Variants in PYROXD1 observed in about 807,000 individuals in gnomAD.
PYROXD1 encodes the protein pyridine nucleotide-disulphide oxidoreductase domain 1.
In PYROXD1, 42 loss-of-function variants were observed where a neutral mutation model predicts 62.0. The observed-to-expected ratio is 0.68, with a 90% CI of 0.53 to 0.88. The LOEUF (loss-of-function observed/expected upper bound fraction) is 0.88. Ranked by LOEUF, PYROXD1 falls within the 40% of genes least tolerant of loss-of-function variation. PYROXD1 has a pLI of 0.00. For missense variants in PYROXD1, 493 were observed against 604.8 expected, an observed-to-expected ratio of 0.82 and a Z score of 1.94; for synonymous variants, 170 against 206.4, an observed-to-expected ratio of 0.82 and a Z score of 1.51.
In PYROXD1 at chr12:21,437,699, G is replaced by T. The variant is rs1404578098; in HGVS notation, c.-32G>T. On this transcript the variant is annotated 5_prime_UTR_variant, in exon 1 of 12. Transcript: ENST00000240651. ...GTCCAGAGTCCCGTTGCTCCGCCGC[G>T]ATATTCAGTAAACCACTGGGAGTCC... 3.1e-6 allele frequency: 5 copies of T among 1,597,342 alleles called. No homozygotes were observed. Among genetic ancestry groups the T allele is most frequent in the Non-Finnish European group, 3.4e-6 (4 of 1,172,414 alleles).
At chr12:21,466,413 T>C (rs1398514144) in intron 10 of PYROXD1, among the ~76,000 whole-genome samples, 2 of 151,948 alleles carry the variant, frequency 1.3e-5, no homozygotes, top group Non-Finnish European at 2.9e-5. Flanking sequence ...CTAGGTATTT[T>C]ATTCTCTTTG....
intron 1 of PYROXD1, 195 bp downstream of exon 1, chr12:21,438,009 G>T (rs549770185): frequency 5.0e-6 from 3 of 599,940 alleles, no homozygotes; most frequent in Admixed American, 3.2e-5. Context: ...TCTCTTAGGC[G>T]CAGGGAGGAG....
chr12:21,442,925 C>T (rs1942322918), intron 2 of PYROXD1, among the ~76,000 whole-genome samples: 1 of 152,110 alleles, frequency 6.6e-6, no homozygotes, highest in Non-Finnish European at 1.5e-5. Context: ...GGTTATTCTC[C>T]ATTTTCATGC....
intron 2 of PYROXD1, among the ~76,000 whole-genome samples, chr12:21,444,470 GT>G (rs1942350272): frequency 6.6e-6 from 1 of 152,138 alleles, no homozygotes; most frequent in Non-Finnish European, 1.5e-5. Flanking sequence ...ATTATGTATT[GT>G]TTGTTTAGTG....
chr12:21,461,878 G>A (rs1942703073), intron 8 of PYROXD1, 130 bp from the exon 9 acceptor site: 1 of 502,132 alleles, frequency 2.0e-6, no homozygotes, highest in African/African-American at 1.9e-5. Context: ...TTGCTAAGGA[G>A]TGTGTTACAA....
intron 7 of PYROXD1, 99 bp from the exon 8 acceptor site, chr12:21,460,926 T>G: frequency 1.3e-6 from 1 of 742,670 alleles, no homozygotes; most frequent in Non-Finnish European, 2.0e-6. Context: ...AATTATGTTT[T>G]CTATACATTT....
chr12:21,450,438 T>C (rs1942474453), intron 4 of PYROXD1, among the ~76,000 whole-genome samples: 1 of 152,186 alleles, frequency 6.6e-6, no homozygotes, highest in South Asian at 2.1e-4. Flanking sequence ...AAAATCATGA[T>C]AGAATCATAG....
intron 8 of PYROXD1, 57 bp downstream of exon 8, chr12:21,461,211 T>A (rs202122120): frequency 1.0e-5 from 3 of 286,694 alleles, no homozygotes; most frequent in African/African-American, 6.6e-5. Context: ...GGAAAACAAT[T>A]TAATCCTGCT....
chr12:21,444,544 A>G (rs1565544485), intron 2 of PYROXD1, among the ~76,000 whole-genome samples: 1 of 152,238 alleles, frequency 6.6e-6, no homozygotes, highest in Non-Finnish European at 1.5e-5. Context: ...TACTGCTAAT[A>G]ATTCACATTT....
At chr12:21,464,083 CTA>C (rs1255900395) in intron 10 of PYROXD1, among the ~76,000 whole-genome samples, 2 of 150,864 alleles carry the variant, frequency 1.3e-5, no homozygotes, top group Admixed American at 6.6e-5. Flanking sequence ...CTGCCTCATT[CTA>C]TGTCATTTCT....
At chr12:21,457,015 G>A (rs1942609819) in intron 7 of PYROXD1, 1 of 332,608 alleles carries the variant, frequency 3.0e-6, no homozygotes, top group African/African-American at 2.2e-5. Flanking sequence ...TCTAATTACA[G>A]TTCTTTTGTT....
At chr12:21,458,244 C>T (rs1942634693) in intron 7 of PYROXD1, among the ~76,000 whole-genome samples, 2 of 152,152 alleles carry the variant, frequency 1.3e-5, no homozygotes, top group Admixed American at 6.5e-5. Context: ...CATGAACCAA[C>T]CTCTACTAGC....
intron 7 of PYROXD1, among the ~76,000 whole-genome samples, chr12:21,457,844 C>CCTCCCACCAGGCCGTACCTCCAAT (rs1942627785): frequency 2.1e-5 from 1 of 47,032 alleles, no homozygotes; most frequent in Non-Finnish European, 4.8e-5. Flanking sequence ...GTACCTCCAA[C>CCTCCCACCAGGCCGTACCTCCAAT]ATTGGGGATT....
intron 10 of PYROXD1, among the ~76,000 whole-genome samples, chr12:21,463,649 A>G (rs1271364934): frequency 6.7e-6 from 1 of 149,088 alleles, no homozygotes; most frequent in Non-Finnish European, 1.5e-5. Context: ...CTGAGATCGC[A>G]CCACTGCACC....
At chr12:21,440,187 ATT>A (rs1942267200) in intron 1 of PYROXD1, among the ~76,000 whole-genome samples, 179 bp from the exon 2 acceptor site, 7 of 152,306 alleles carry the variant, frequency 4.6e-5, no homozygotes, top group African/African-American at 1.7e-4. Context: ...AGAGTTTAAT[ATT>A]ATTCACCATT....
chr12:21,456,562 CAA>C (rs1942601017), intron 7 of PYROXD1, among the ~76,000 whole-genome samples: 1 of 152,176 alleles, frequency 6.6e-6, no homozygotes, highest in African/African-American at 2.4e-5. Flanking sequence ...AATATGCTAA[CAA>C]TCATCTGAGC....
At chr12:21,442,087 C>T (rs1942305972) in intron 2 of PYROXD1, among the ~76,000 whole-genome samples, 1 of 152,184 alleles carries the variant, frequency 6.6e-6, no homozygotes, top group African/African-American at 2.4e-5. Context: ...CTGCTAATAG[C>T]CTCCCAATCT....
At position 21,470,296 on chromosome 12, in the gene PYROXD1, CT is replaced by C. The variant is rs1942907481; in HGVS notation, c.*1543del. On this transcript the variant is annotated 3_prime_UTR_variant, in exon 12 of 12. Coordinates refer to ENST00000240651, the MANE Select transcript of PYROXD1 (RefSeq NM_024854.5). ...TCTGGAAGTTGCCTGAATTTTTTTC[CT>C]CCATCTTTTTATCACCTTGTTCAGA... 6.2e-7 allele frequency: 1 copy of C among 1,604,182 alleles called. No individual in the cohort carries two copies. Among genetic ancestry groups the C allele is most frequent in the Non-Finnish European group, 8.5e-7 (1 of 1,176,294 alleles).
Position 21,462,846 on chromosome 12 carries a change from G to C in PYROXD1, c.1100G>C (p.Ser367Thr). The C allele has an allele frequency of 6.2e-7, 1 of 1,613,652 alleles. No individual in the cohort carries two copies. The highest frequency in any genetic ancestry group is 8.5e-7 in the Non-Finnish European group (1 of 1,179,934). Residue 367 changes from serine (S) to threonine (T), a missense_variant, in exon 10 of 12, where the codon AGC becomes ACC. Ser to Thr is a moderately conservative substitution (Grantham distance 58). This residue lies in a region of PYROXD1 where 329 missense variants were observed against 446.6 expected (regional missense o/e 0.74). Transcript: ENST00000240651. ...ATCTGTACTACATCCTGGCAGCTGA[G>C]CCCAGTCTGGCAGCAGGTAAGCTAG... is the stretch of plus-strand genomic sequence containing the variant. ...GDICTTSWQL[S>T]PVWQQMRLWT...
Sources: gnomAD v4.1 joint callset for allele counts (sites outside exome capture counted in the v4.1 genomes callset) on GRCh38, gnomAD v4.1.1 for gene constraint, gnomAD v4.1.1 regional missense constraint, MANE v1.5 for transcripts, NCBI Gene and HGNC (gene_info 2026-07-23, HGNC 2026-07-21) for gene names.